ATF1: variants seen among roughly 807,000 people sequenced by gnomAD.
The protein encoded by ATF1 is cyclic AMP-dependent transcription factor ATF-1.
Under a neutral mutation model 34.7 loss-of-function variants are expected in ATF1, and 16 were observed. That is an observed-to-expected ratio of 0.46 (90% CI 0.31 to 0.70). ATF1 has a LOEUF of 0.70. Among genes scored for constraint, ATF1 ranks in the 30% least tolerant of loss-of-function variants. The pLI is 0.05. For missense variants in ATF1, 255 were observed against 321.6 expected (o/e 0.79, Z 1.58); for synonymous variants, 105 against 113.1 (o/e 0.93, Z 0.46).
intron 1 of ATF1, among the ~76,000 whole-genome samples, chr12:50,773,423 G>A (rs1169909738): frequency 8.1e-6 from 1 of 123,090 alleles, no homozygotes; most frequent in African/African-American, 3.0e-5. Flanking sequence ...CTCGCCAACT[G>A]TTGACTTTTT....
At chr12:50,788,342 C>A in intron 2 of ATF1, 1 of 379,132 alleles carries the variant, frequency 2.6e-6, no homozygotes, top group Non-Finnish European at 5.2e-6. Context: ...GCCATCACAT[C>A]CGGCTAAACT....
At chr12:50,817,480 G>A (rs75848999) in intron 6 of ATF1, among the ~76,000 whole-genome samples, 7,280 of 152,054 alleles carry the variant, frequency 0.048, 597 homozygotes, top group African/African-American at 0.17. Context: ...GGTCATATAC[G>A]TATATACTAC....
At chr12:50,799,649 C>G (rs1941475865) in intron 3 of ATF1, among the ~76,000 whole-genome samples, 1 of 151,966 alleles carries the variant, frequency 6.6e-6, no homozygotes, top group Non-Finnish European at 1.5e-5. Flanking sequence ...AAGGTATAAA[C>G]TCTCGGCCAA....
chr12:50,780,016 A>G (rs1021420392), intron 1 of ATF1, 124 bp from the exon 2 acceptor site: 4 of 617,030 alleles, frequency 6.5e-6, no homozygotes, highest in Non-Finnish European at 1.1e-5. Context: ...TTCTATCTCT[A>G]TACCATTGCT....
At chr12:50,789,002 TTTCA>T (rs1164475145) in intron 2 of ATF1, among the ~76,000 whole-genome samples, 2 of 152,314 alleles carry the variant, frequency 1.3e-5, no homozygotes, top group South Asian at 2.1e-4. Flanking sequence ...GTTAGATAAG[TTTCA>T]TTCAGGCATG....
chr12:50,763,865 G>A (rs915040523), upstream of ATF1: 2 of 152,176 alleles, frequency 1.3e-5, no homozygotes, highest in African/African-American at 4.8e-5. Flanking sequence ...CGGAACCGCA[G>A]GCACCGTCCC....
chr12:50,782,792 T>C (rs1246633580), intron 2 of ATF1, among the ~76,000 whole-genome samples: 1 of 147,236 alleles, frequency 6.8e-6, no homozygotes, highest in African/African-American at 2.5e-5. Context: ...TGGGTTCAAG[T>C]GATTCTCCTG....
chr12:50,791,960 T>C (rs1225377041), intron 2 of ATF1, among the ~76,000 whole-genome samples: 3 of 152,200 alleles, frequency 2.0e-5, no homozygotes, highest in African/African-American at 7.2e-5. Context: ...GGTGTTTCAC[T>C]CACTTTTTGT....
chr12:50,777,266 T>C (rs1940947783), intron 1 of ATF1, among the ~76,000 whole-genome samples: 1 of 152,176 alleles, frequency 6.6e-6, no homozygotes, highest in African/African-American at 2.4e-5. Flanking sequence ...GGTTATGACT[T>C]TAAGAAGTTG....
At chr12:50,807,777 TTCCTC>T (rs1408347463) in intron 3 of ATF1, among the ~76,000 whole-genome samples, 7 of 151,646 alleles carry the variant, frequency 4.6e-5, no homozygotes, top group Non-Finnish European at 8.8e-5. Flanking sequence ...TGCCTACTCT[TTCCTC>T]TACCCCCAAT....
chr12:50,802,970 C>G (rs1941543392), intron 3 of ATF1, among the ~76,000 whole-genome samples: 1 of 145,804 alleles, frequency 6.9e-6, no homozygotes, highest in African/African-American at 2.5e-5. Context: ...AAAAAATGAG[C>G]AAGGAGGGGG....
chr12:50,809,855 CAG>C (rs1397786701), intron 4 of ATF1, among the ~76,000 whole-genome samples: 2 of 143,416 alleles, frequency 1.4e-5, no homozygotes, highest in African/African-American at 5.0e-5. Context: ...TGTTTTGAGA[CAG>C]AGTCTCGCTC....
intron 1 of ATF1, chr12:50,764,730 C>G (rs937050507): frequency 6.6e-6 from 1 of 152,308 alleles, no homozygotes; most frequent in Non-Finnish European, 1.5e-5. Flanking sequence ...TCTGGTTAAC[C>G]CCGCGACAGG....
intron 1 of ATF1, among the ~76,000 whole-genome samples, chr12:50,776,956 G>A (rs888057589): frequency 1.3e-5 from 2 of 152,108 alleles, no homozygotes; most frequent in Non-Finnish European, 2.9e-5. Context: ...TCTGCCTCCC[G>A]GGTTCAAGCG....
At chr12:50,806,015 G>A (rs554981131) in intron 3 of ATF1, among the ~76,000 whole-genome samples, 1 of 152,252 alleles carries the variant, frequency 6.6e-6, no homozygotes, top group African/African-American at 2.4e-5. Context: ...GCCGGGTGTG[G>A]TGGCGCACGC....
intron 4 of ATF1, among the ~76,000 whole-genome samples, chr12:50,810,531 C>T (rs896064173): frequency 5.9e-5 from 9 of 152,164 alleles, no homozygotes; most frequent in Middle Eastern, 6.8e-3. Flanking sequence ...CCTGCCTATT[C>T]GTTAAAAATA....
At chr12:50,807,821 T>G (rs896466079) in intron 3 of ATF1, among the ~76,000 whole-genome samples, 7 of 151,108 alleles carry the variant, frequency 4.6e-5, no homozygotes, top group African/African-American at 1.7e-4. Flanking sequence ...TTGTTTTTTT[T>G]TTTTTTTTGA....
In ATF1 at chr12:50,798,993, T is replaced by C. The variant is rs189443455; in HGVS notation, c.194+2984T>C. Among the ~76,000 whole-genome samples, 5 of 152,298 alleles carry C rather than the reference T, an allele frequency of 3.3e-5. No homozygotes were observed. In the East Asian group the frequency reaches 7.7e-4, roughly 24 times the overall value. On this transcript the variant is annotated intron_variant, in intron 3 of 6. Coordinates refer to ENST00000262053, the MANE Select transcript of ATF1 (RefSeq NM_005171.5). ...ACATGTGTAATAGATATGAATAGCA[T>C]TGCAAAGACTTTGGAAACTGAACTG...
chr12:50,770,974 A>G (rs1240463675), intron 1 of ATF1, among the ~76,000 whole-genome samples: 1 of 151,994 alleles, frequency 6.6e-6, no homozygotes, highest in Non-Finnish European at 1.5e-5. Flanking sequence ...TTTATTTGGA[A>G]TAACTTTACT....
Sources: gnomAD v4.1 joint callset for allele counts (sites outside exome capture counted in the v4.1 genomes callset) on GRCh38, gnomAD v4.1.1 for gene constraint, MANE v1.5 for transcripts, NCBI Gene and HGNC (gene_info 2026-07-23, HGNC 2026-07-21) for gene names.